Variants in FARP1 observed in about 807,000 individuals in gnomAD.
FARP1 encodes FERM, ARH/RhoGEF and pleckstrin domain protein 1.
FARP1 carries 52 observed loss-of-function variants against 128.8 expected under a neutral mutation model. The observed-to-expected ratio is 0.40, with a 90% CI of 0.32 to 0.51. The LOEUF (loss-of-function observed/expected upper bound fraction) is 0.51. Among genes scored for constraint, FARP1 ranks in the 20% least tolerant of loss-of-function variants. The pLI is 0.45. For synonymous variants in FARP1, 580 were observed against 551.8 expected, an observed-to-expected ratio of 1.05 and a Z score of -0.72; for missense variants, 1,333 against 1,367.9, an observed-to-expected ratio of 0.97 and a Z score of 0.40.
At chr13:98,349,065 C>T (rs144734413) in intron 3 of FARP1, among the ~76,000 whole-genome samples, 69 of 152,278 alleles carry the variant, frequency 4.5e-4, no homozygotes, top group African/African-American at 1.5e-3. Context: ...TAGTTGTATA[C>T]GGAAAATTTA....
chr13:98,346,839 G>C (rs571144930), intron 3 of FARP1, among the ~76,000 whole-genome samples: 2 of 152,168 alleles, frequency 1.3e-5, no homozygotes, highest in Non-Finnish European at 2.9e-5. Context: ...CAGGGTCTTG[G>C]GTGTGTTCTC....
chr13:98,384,893 C>A, intron 7 of FARP1, 49 bp downstream of exon 7: 1 of 1,133,992 alleles, frequency 8.8e-7, no homozygotes, highest in Non-Finnish European at 1.3e-6. Context: ...GTTCTCTCTG[C>A]CTCCAACCTA....
chr13:98,421,296 GA>G (rs1342210590), intron 16 of FARP1, among the ~76,000 whole-genome samples: 1 of 152,168 alleles, frequency 6.6e-6, no homozygotes, highest in Non-Finnish European at 1.5e-5. Flanking sequence ...AAGTGAAATA[GA>G]TGACATTTGG....
intron 3 of FARP1, among the ~76,000 whole-genome samples, chr13:98,360,945 G>C (rs1289994541): frequency 2.6e-4 from 40 of 152,152 alleles, no homozygotes. Flanking sequence ...AGCTTATGGT[G>C]TTTTTGTTAC....
chr13:98,333,358 A>G (rs1887593312), intron 2 of FARP1: 1 of 151,612 alleles, frequency 6.6e-6, no homozygotes, highest in Non-Finnish European at 1.5e-5. Flanking sequence ...GAAGAGCTGG[A>G]TTCTCCCCTA....
chr13:98,176,099 T>A lies in FARP1; in HGVS notation c.-24+32607T>A. ...CAGGCATGGGATTGCAGGAAGACTG[T>A]CATCTCTCTCATCTTACTCAACAGG... is the stretch of plus-strand genomic sequence containing the variant. On this transcript the variant is annotated intron_variant, in intron 1 of 26. Coordinates refer to ENST00000319562, the MANE Select transcript of FARP1 (RefSeq NM_005766.4). The surrounding 1 kb of genome is among the most constrained non-coding windows in gnomAD (Gnocchi z 6.2). 7.3e-7 allele frequency: 1 copy of A among 1,376,886 alleles called. No individual in the cohort carries two copies. The highest frequency in any genetic ancestry group is 1.0e-6 in the Non-Finnish European group (1 of 974,860). The allele number at this position is 1,376,886 out of a possible 1,614,324, so 85.3% of individuals were successfully genotyped here. A position where few individuals can be genotyped will look rare whatever the true frequency, so the allele number is the denominator to read the frequency against.
At chr13:98,263,853 A>G (rs895349460) in intron 2 of FARP1, among the ~76,000 whole-genome samples, 1 of 152,046 alleles carries the variant, frequency 6.6e-6, no homozygotes, top group Non-Finnish European at 1.5e-5. Context: ...ATTTATTTTT[A>G]GTGCTCCCCC....
intron 2 of FARP1, among the ~76,000 whole-genome samples, chr13:98,242,026 G>A (rs894727065): frequency 2.6e-5 from 4 of 152,180 alleles, no homozygotes; most frequent in African/African-American, 9.7e-5. Context: ...GATCGCTTGA[G>A]CCTGGGAGGT....
At chr13:98,153,295 T>TATATA (rs1220141671) in intron 1 of FARP1, among the ~76,000 whole-genome samples, 3 of 8,866 alleles carry the variant, frequency 3.4e-4, no homozygotes. Context: ...AAAATATATA[T>TATATA]AAATATATTT....
chr13:98,180,275 AGTGAGAGTGGGG>A (rs1004092853), intron 1 of FARP1, among the ~76,000 whole-genome samples: 4 of 152,076 alleles, frequency 2.6e-5, no homozygotes, highest in African/African-American at 9.6e-5. Context: ...CAAGAGTGGG[AGTGAGAGTGGGG>A]AGGGGCCACG....
intron 2 of FARP1, among the ~76,000 whole-genome samples, chr13:98,267,013 C>CAAAAAA (rs368229193): frequency 1.6e-5 from 1 of 64,332 alleles, no homozygotes; most frequent in African/African-American, 5.4e-5. Context: ...ACTCCCATCT[C>CAAAAAA]AAAAAAAAAA....
At chr13:98,297,764 G>A (rs553045201) in intron 2 of FARP1, among the ~76,000 whole-genome samples, 2 of 152,252 alleles carry the variant, frequency 1.3e-5, no homozygotes, top group Admixed American at 6.5e-5. Flanking sequence ...AAAGGGTCCT[G>A]TCTCCCTCCA....
rs550529047 is a variant in FARP1 at position 98,158,973 on chromosome 13, A to G, written c.-24+15481A>G. 4.6e-5 allele frequency among the ~76,000 whole-genome samples: 7 copies of G among 152,302 alleles called. No individual in the cohort carries two copies. The South Asian group carries it at 1.4e-3, about 32-fold the overall frequency. On this transcript the variant is annotated intron_variant, in intron 1 of 26. Coordinates refer to ENST00000319562, the MANE Select transcript of FARP1 (RefSeq NM_005766.4). ...GCTTTCCCTGGCATAATTTTGGGCC[A>G]GGAAGGTTCATCAGTCCTAAAGATT...
intron 18 of FARP1, 66 bp from the exon 19 acceptor site, chr13:98,435,510 C>T (rs1892220520): frequency 1.3e-6 from 2 of 1,528,336 alleles, no homozygotes; most frequent in Non-Finnish European, 1.8e-6. Flanking sequence ...GTTGAGCTGA[C>T]AGCTGCTAGG....
At chr13:98,308,947 C>T (rs1333935806) in intron 2 of FARP1, among the ~76,000 whole-genome samples, 1 of 152,058 alleles carries the variant, frequency 6.6e-6, no homozygotes, top group East Asian at 1.9e-4. Context: ...CACCAAAGTG[C>T]TGGGATTACA....
intron 2 of FARP1, chr13:98,244,800 T>G (rs1882973131): frequency 6.5e-7 from 1 of 1,546,814 alleles, no homozygotes; most frequent in African/African-American, 1.4e-5. Context: ...TTAACACATT[T>G]CAGTGCCCAA....
chr13:98,198,336 G>A (rs1879706171), intron 1 of FARP1, among the ~76,000 whole-genome samples: 1 of 152,186 alleles, frequency 6.6e-6, no homozygotes, highest in Admixed American at 6.5e-5. Flanking sequence ...CCCAAAACTG[G>A]AAGCAACCAC....
intron 2 of FARP1, chr13:98,328,413 C>A (rs560496057): frequency 6.6e-6 from 1 of 152,276 alleles, no homozygotes; most frequent in East Asian, 1.9e-4. Context: ...CTTGTTCATG[C>A]CTTCAACAAG....
chr13:98,357,494 A>T (rs1179391660), intron 3 of FARP1, among the ~76,000 whole-genome samples: 1 of 152,168 alleles, frequency 6.6e-6, no homozygotes, highest in Non-Finnish European at 1.5e-5. Flanking sequence ...CTTCAAGTTT[A>T]GTAATATTTT....
Sources: allele counts gnomAD v4.1 joint callset (sites outside exome capture counted in the v4.1 genomes callset), GRCh38; gene constraint gnomAD v4.1.1; non-coding constraint Gnocchi (gnomAD v3.1); transcripts MANE v1.5; gene names NCBI Gene and HGNC (gene_info 2026-07-23, HGNC 2026-07-21).